Variants in RALGDS observed in about 807,000 individuals in gnomAD.
RALGDS encodes the protein ral guanine nucleotide exchange factor.
Under a neutral mutation model 99.8 loss-of-function variants are expected in RALGDS, and 44 were observed. The ratio of observed to expected loss-of-function variants is 0.44; its 90% CI spans 0.35 to 0.57. RALGDS has a LOEUF of 0.57. Among genes scored for constraint, RALGDS ranks in the 20% least tolerant of loss-of-function variants. The pLI, the probability that RALGDS is intolerant of heterozygous loss-of-function variation, is 0.01. For missense variants in RALGDS, 1,022 were observed against 1,203.1 expected (o/e 0.85, Z 2.23); for synonymous variants, 529 against 505.0 (o/e 1.05, Z -0.64).
chr9:133,146,688 T>C (rs1746179523), intron 1 of RALGDS, among the ~76,000 whole-genome samples: 2 of 152,202 alleles, frequency 1.3e-5, no homozygotes, highest in African/African-American at 4.8e-5. Context: ...ACTTCCAAGA[T>C]TTACAAAAAA....
chr9:133,112,759 G>A (rs1831412325), intron 1 of RALGDS, among the ~76,000 whole-genome samples: 4 of 152,176 alleles, frequency 2.6e-5, no homozygotes, highest in Admixed American at 2.0e-4. Flanking sequence ...CCCAGGTCTG[G>A]GCAGGTGTGG....
intron 15 of RALGDS, 83 bp downstream of exon 15, chr9:133,101,855 A>G: frequency 6.4e-7 from 1 of 1,551,692 alleles, no homozygotes; most frequent in South Asian, 1.2e-5. Context: ...AGCTGTGTTC[A>G]GGATCCAGGG....
chr9:133,121,495 G>A (rs1165578930), upstream of RALGDS, among the ~76,000 whole-genome samples: 1 of 152,222 alleles, frequency 6.6e-6, no homozygotes, highest in Non-Finnish European at 1.5e-5. Context: ...CGGCTGTCAC[G>A]TGTGTCGTGG....
At chr9:133,104,230 C>T (rs1273489736) in intron 10 of RALGDS, 33 bp downstream of exon 10, 1 of 1,591,688 alleles carries the variant, frequency 6.3e-7, no homozygotes, top group South Asian at 1.1e-5. Context: ...CCAGGCCAGC[C>T]CCCTGCCCCT....
chr9:133,107,554 C>A (rs1005751088), intron 6 of RALGDS, among the ~76,000 whole-genome samples: 1 of 152,048 alleles, frequency 6.6e-6, no homozygotes, highest in Non-Finnish European at 1.5e-5. Context: ...CCGCCTCAGT[C>A]TGCTCCCCAT....
At chr9:133,129,132 A>G in intron 1 of RALGDS, 1 of 1,586,666 alleles carries the variant, frequency 6.3e-7, no homozygotes, top group Non-Finnish European at 8.5e-7. Flanking sequence ...TTGCCCTGGA[A>G]ACTCACCTCG....
At position 133,121,107 on chromosome 9, in the gene RALGDS, G is replaced by C; in HGVS notation, c.48C>G (p.Ala16=). The change falls in exon 1 of 18, where the codon GCC becomes GCG. Residue 16 remains alanine, a synonymous_variant. Coordinates refer to ENST00000372050, the MANE Select transcript of RALGDS (RefSeq NM_006266.4). ...GCCGGGAGCCCGGAAACAGCGGCTCGGCGCCGCCAGCAGGCCCGGCCGCCT... is the reference window on the plus strand; with the variant it reads ...GCCGGGAGCCCGGAAACAGCGGCTCCGCGCCGCCAGCAGGCCCGGCCGCCT... ...WAEAAGPAGG[A]EPLFPGSRRS... The C allele has an allele frequency of 2.0e-6, 3 of 1,470,560 alleles. No individual in the cohort carries two copies. Among genetic ancestry groups the C allele is most frequent in the Non-Finnish European group, 2.7e-6 (3 of 1,116,408 alleles). 91.1% of individuals were successfully genotyped at this position (1,470,560 alleles called of 1,614,324 possible). A position where few individuals can be genotyped will look rare whatever the true frequency, so the allele number is the denominator to read the frequency against.
At chr9:133,145,410 G>T (rs548764639) in intron 1 of RALGDS, among the ~76,000 whole-genome samples, 43 of 149,102 alleles carry the variant, frequency 2.9e-4, no homozygotes, top group African/African-American at 1.0e-3. Context: ...CCTGGGCCCA[G>T]GAGACAGATA....
intron 1 of RALGDS, among the ~76,000 whole-genome samples, chr9:133,118,399 C>G (rs1831727900): frequency 6.6e-6 from 1 of 152,196 alleles, no homozygotes; most frequent in South Asian, 2.1e-4. Context: ...CACTCCAGCC[C>G]ACCTGCAACT....
At position 133,103,216 on chromosome 9, in the gene RALGDS, C is replaced by T; in HGVS notation, c.1791+14G>A. ...CCACCCCTCCCCAAGTCAGGGCTGC[C>T]TGCAGCTGCTTACCTTCCTCCTCTT... is the stretch of plus-strand genomic sequence containing the variant. On this transcript the variant is annotated intron_variant, in intron 12 of 17. Coordinates refer to ENST00000372050, the MANE Select transcript of RALGDS (RefSeq NM_006266.4). The T allele has an allele frequency of 6.2e-7, 1 of 1,613,886 alleles. No homozygotes were observed. The highest frequency in any genetic ancestry group is 8.5e-7 in the Non-Finnish European group (1 of 1,180,004).
chr9:133,102,397 A>C, intron 14 of RALGDS, 79 bp downstream of exon 14: 1 of 1,473,490 alleles, frequency 6.8e-7, no homozygotes, highest in Non-Finnish European at 9.5e-7. Flanking sequence ...AGCCTCCCTG[A>C]CTCCCTGAGC....
intron 1 of RALGDS, chr9:133,129,345 G>T: frequency 6.5e-7 from 1 of 1,544,562 alleles, no homozygotes. Context: ...GGTGGGGAGT[G>T]GGCCCTGCGG....
rs1832317217 is a variant in RALGDS at position 133,130,997 on chromosome 9, GT to G, written c.86del (p.His29ProfsTer26). The G allele has an allele frequency of 1.3e-6, 2 of 1,535,668 alleles. No individual in the cohort carries two copies. Among genetic ancestry groups the G allele is most frequent in the Non-Finnish European group, 1.7e-6 (2 of 1,146,850 alleles). Reference sequence around the variant, plus strand: ...GTGGATGCCCAGTCCCTGGCTGCAAGTGGAGGGCACAGGGCAGGGAGCAGAA... The same window carrying G: ...GTGGATGCCCAGTCCCTGGCTGCAAGGGAGGGCACAGGGCAGGGAGCAGAA... On this transcript the variant is annotated frameshift_variant, in exon 1 of 18. Coordinates refer to the RALGDS transcript ENST00000372062. LOFTEE classifies it high-confidence loss of function.
chr9:133,145,399 G>A (rs1035889986), intron 1 of RALGDS, among the ~76,000 whole-genome samples: 3 of 148,002 alleles, frequency 2.0e-5, no homozygotes, highest in African/African-American at 7.5e-5. Flanking sequence ...CCCCGGCATG[G>A]CCTGGGCCCA....
intron 1 of RALGDS, among the ~76,000 whole-genome samples, chr9:133,147,101 C>T (rs1025247574): frequency 1.3e-5 from 2 of 152,112 alleles, no homozygotes; most frequent in African/African-American, 2.4e-5. Context: ...CCTGGGCTGC[C>T]CCTCCCACCC....
intron 15 of RALGDS, 78 bp downstream of exon 15, chr9:133,101,859 TC>T (rs1379258289): frequency 1.3e-6 from 2 of 1,551,462 alleles, no homozygotes; most frequent in Middle Eastern, 1.7e-4. Context: ...GTGTTCAGGA[TC>T]CAGGGCTTCC....
intron 1 of RALGDS, among the ~76,000 whole-genome samples, chr9:133,138,891 T>C (rs1045357443): frequency 3.3e-5 from 5 of 152,098 alleles, no homozygotes; most frequent in African/African-American, 1.2e-4. Context: ...TGCCTCGACT[T>C]CCAAAATGCT....
Position 133,108,407 on chromosome 9 carries a change from C to T in RALGDS, c.779-1G>A. The T allele has an allele frequency of 6.5e-7, 1 of 1,535,998 alleles. No individual in the cohort carries two copies. The highest frequency in any genetic ancestry group is 1.4e-5 in the African/African-American group (1 of 73,136). ...TTTAGAGCTGGCACTGGTGACAGAG[C>T]TGCAAGAGGAGAAAAGTTCAACAAC... On this transcript the variant is annotated splice_acceptor_variant, in intron 5 of 17. Coordinates refer to ENST00000372050, the MANE Select transcript of RALGDS (RefSeq NM_006266.4). LOFTEE classifies it high-confidence loss of function.
rs1474708751 is a variant in RALGDS, at chr9:133,110,499, G to A, written c.295-10C>T. Reference sequence around the variant, plus strand: ...CCGACTCATTCTCATACTGGGGTGGGACAGAGGAGGGACAGACAGTCAGTG... The same window carrying A: ...CCGACTCATTCTCATACTGGGGTGGAACAGAGGAGGGACAGACAGTCAGTG... On this transcript the variant is annotated splice_polypyrimidine_tract_variant and intron_variant, in intron 2 of 17. Coordinates refer to ENST00000372050, the MANE Select transcript of RALGDS (RefSeq NM_006266.4). 1 of 1,604,848 alleles carries A rather than the reference G, an allele frequency of 6.2e-7. No individual in the cohort carries two copies. The highest frequency in any genetic ancestry group is 2.2e-5 in the East Asian group (1 of 44,828).
Sources: gnomAD v4.1 joint callset for allele counts (sites outside exome capture counted in the v4.1 genomes callset) on GRCh38, gnomAD v4.1.1 for gene constraint, MANE v1.5 for transcripts, NCBI Gene and HGNC (gene_info 2026-07-23, HGNC 2026-07-21) for gene names.